The following SOD2 variants were observed in gnomAD, a reference collection of about 807,000 sequenced individuals.
SOD2 encodes superoxide dismutase 2.
Under a neutral mutation model 27.0 loss-of-function variants are expected in SOD2, and 11 were observed. The observed-to-expected ratio is 0.41, with a 90% CI of 0.26 to 0.67. The LOEUF (loss-of-function observed/expected upper bound fraction) is 0.67. Ranked by LOEUF, SOD2 falls within the 30% of genes least tolerant of loss-of-function variation. The probability of loss-of-function intolerance (pLI) is 0.34; values close to 1 mark genes in which losing one functional copy is unlikely to be tolerated. For missense variants in SOD2, 250 were observed against 274.5 expected (o/e 0.91, Z 0.63); for synonymous variants, 105 against 103.0 (o/e 1.02, Z -0.12).
chr6:159,736,575 G>A (rs1778931535), intron 1 of SOD2: 2 of 288,078 alleles, frequency 6.9e-6, no homozygotes, highest in South Asian at 2.1e-4. Flanking sequence ...ATATTTCCAG[G>A]TCTACTCTTA....
chr6:159,724,524 G>T (rs977100699), intron 1 of SOD2, among the ~76,000 whole-genome samples: 1 of 152,006 alleles, frequency 6.6e-6, no homozygotes, highest in African/African-American at 2.4e-5. Context: ...GGACTGCCAG[G>T]GTCCACCTAT....
In SOD2 at chr6:159,685,050, C is replaced by A; in HGVS notation, c.344-17G>T. Reference sequence around the variant, plus strand: ...GCAACTCCCCTATTAAAAAAAAAATCCAAAACCACCCACAAATGAACAGAT... The same window carrying A: ...GCAACTCCCCTATTAAAAAAAAAATACAAAACCACCCACAAATGAACAGAT... On this transcript the variant is annotated splice_polypyrimidine_tract_variant and intron_variant, in intron 3 of 4. Transcript: ENST00000538183. 6.4e-7 allele frequency: 1 copy of A among 1,559,668 alleles called. No homozygotes were observed. Among genetic ancestry groups the A allele is most frequent in the Non-Finnish European group, 8.7e-7 (1 of 1,151,932 alleles).
chr6:159,761,496 G>A (rs926865720), exon 1 of SOD2: 10 of 455,438 alleles, frequency 2.2e-5, no homozygotes, highest in African/African-American at 6.0e-5. Flanking sequence ...CCCCTCACGC[G>A]AGCGAATGAC....
intron 1 of SOD2, chr6:159,726,765 CAAG>C: frequency 7.8e-7 from 1 of 1,288,600 alleles, no homozygotes; most frequent in Non-Finnish European, 1.0e-6. Context: ...CCAGAGATGT[CAAG>C]GAGGAACGAA....
Position 159,676,059 on chromosome 6 carries a change from A to C in SOD2, c.*6434T>G, listed in dbSNP as rs984794139. The C allele has an allele frequency of 1.3e-5, 2 of 152,196 alleles. No individual in the cohort carries two copies. The highest frequency in any genetic ancestry group is 2.4e-5 in the African/African-American group (1 of 41,456). 9.4% of individuals were successfully genotyped at this position (152,196 alleles called of 1,614,324 possible). On this transcript the variant is annotated 3_prime_UTR_variant, in exon 5 of 5. Coordinates refer to ENST00000538183, the MANE Select transcript of SOD2 (RefSeq NM_000636.4). ...AAACCACAATGAGATACCATCTCAC[A>C]CCAGTTAGAATGTCAATCATTAAAA... is the stretch of plus-strand genomic sequence containing the variant.
At chr6:159,751,262 T>G (rs1484208027) in intron 1 of SOD2, among the ~76,000 whole-genome samples, 1 of 152,252 alleles carries the variant, frequency 6.6e-6, no homozygotes, top group Non-Finnish European at 1.5e-5. Flanking sequence ...GGTATGACTT[T>G]TTAAACGAAA....
upstream of SOD2, among the ~76,000 whole-genome samples, chr6:159,728,150 G>A (rs1242697457): frequency 6.6e-6 from 1 of 152,230 alleles, no homozygotes; most frequent in Admixed American, 6.5e-5. Context: ...ATGTTACTAC[G>A]TTCTCTTGTA....
rs1288981325 is a variant in SOD2, at chr6:159,669,979, T to C, written c.*12514A>G. 6.6e-6 allele frequency: 1 copy of C among 152,228 alleles called. No homozygotes were observed. The highest frequency in any genetic ancestry group is 1.5e-5 in the Non-Finnish European group (1 of 68,042). 9.4% of individuals were successfully genotyped at this position (152,228 alleles called of 1,614,324 possible). ...TTATCATCAATAGAGGTGCAGACTT[T>C]TTAAACAAATCTCTTCCCAGGAGAA... On this transcript the variant is annotated 3_prime_UTR_variant, in exon 5 of 5. Coordinates refer to ENST00000538183, the MANE Select transcript of SOD2 (RefSeq NM_000636.4).
chr6:159,727,801 C>T (rs1778292817), upstream of SOD2: 1 of 876,350 alleles, frequency 1.1e-6, no homozygotes, highest in Non-Finnish European at 1.4e-6. Flanking sequence ...CGGGCAGGGC[C>T]CGAAAGGCCA....
intron 1 of SOD2, chr6:159,727,067 G>C (rs1778211927): frequency 8.2e-7 from 1 of 1,213,554 alleles, no homozygotes; most frequent in African/African-American, 1.6e-5. Context: ...CCCTTCCCGT[G>C]ATGCCCTGGG....
chr6:159,725,992 T>A (rs1030845824), intron 1 of SOD2: 2 of 152,202 alleles, frequency 1.3e-5, no homozygotes, highest in Non-Finnish European at 2.9e-5. Context: ...TTAACGGATA[T>A]TTGGGTTATC....
chr6:159,727,749 G>C (rs1009295710), upstream of SOD2: 7 of 983,648 alleles, frequency 7.1e-6, no homozygotes, highest in African/African-American at 8.7e-5. Context: ...GGACCTCCGG[G>C]GCCTGAGGGC....
rs1191313676 is a variant in SOD2, at chr6:159,679,552, A to T, written c.*2941T>A. The T allele has an allele frequency of 2.6e-5, 4 of 152,248 alleles. No homozygotes were observed. The highest frequency in any genetic ancestry group is 5.9e-5 in the Non-Finnish European group (4 of 68,044). The allele number at this position is 152,248 out of a possible 1,614,324, so 9.4% of individuals were successfully genotyped here. On this transcript the variant is annotated 3_prime_UTR_variant, in exon 5 of 5. Coordinates refer to ENST00000538183, the MANE Select transcript of SOD2 (RefSeq NM_000636.4). ...TGTACAATAAAGTTGTGATTTCTCAACATCAAAGTTTAATTATTACAAAAT... is the reference window on the plus strand; with the variant it reads ...TGTACAATAAAGTTGTGATTTCTCATCATCAAAGTTTAATTATTACAAAAT...
At chr6:159,719,743 TGAGAGAGTC>T (rs1777994762) in intron 1 of SOD2, among the ~76,000 whole-genome samples, 1 of 150,994 alleles carries the variant, frequency 6.6e-6, no homozygotes, top group African/African-American at 2.4e-5. Context: ...TTTTTTTTTT[TGAGAGAGTC>T]TTATTCTGTC....
upstream of SOD2, chr6:159,727,619 G>A: frequency 4.1e-6 from 4 of 986,088 alleles, no homozygotes; most frequent in Non-Finnish European, 4.8e-6. Context: ...GCTGCGCGGT[G>A]GCCCGGGGGG....
intron 2 of SOD2, among the ~76,000 whole-genome samples, chr6:159,689,997 T>C (rs1201598054): frequency 1.4e-5 from 2 of 144,902 alleles, no homozygotes; most frequent in Non-Finnish European, 3.0e-5. Flanking sequence ...AAAACATACA[T>C]ACAAGGCCAG....
chr6:159,745,798 G>A (rs1328058606), upstream of SOD2, among the ~76,000 whole-genome samples: 1 of 152,154 alleles, frequency 6.6e-6, no homozygotes, highest in Non-Finnish European at 1.5e-5. Context: ...CCAATTGTGA[G>A]GCTGTTAAAA....
At chr6:159,758,845 G>A (rs1780066759) in intron 1 of SOD2, among the ~76,000 whole-genome samples, 1 of 152,126 alleles carries the variant, frequency 6.6e-6, no homozygotes, top group Non-Finnish European at 1.5e-5. Context: ...TTGGACTCCT[G>A]CAACTCTTTA....
At chr6:159,744,332 A>G (rs552261948) in intron 1 of SOD2, among the ~76,000 whole-genome samples, 33 of 152,336 alleles carry the variant, frequency 2.2e-4, no homozygotes, top group African/African-American at 7.2e-4. Flanking sequence ...TTTAGGCTCA[A>G]TCTTACGGTG....
Sources: gnomAD v4.1 joint callset for allele counts (sites outside exome capture counted in the v4.1 genomes callset) on GRCh38, gnomAD v4.1.1 for gene constraint, MANE v1.5 for transcripts, NCBI Gene and HGNC (gene_info 2026-07-23, HGNC 2026-07-21) for gene names.